The following RNF11 variants were observed in gnomAD, a reference collection of about 807,000 sequenced individuals.
RNF11 encodes the protein ring finger protein 11.
RNF11 carries 4 observed loss-of-function variants against 15.8 expected under a neutral mutation model. The observed-to-expected ratio is 0.25, with a 90% CI of 0.12 to 0.58. The LOEUF (loss-of-function observed/expected upper bound fraction) is 0.58, where lower values mean the gene tolerates loss of function less well. RNF11 is among the 20% of genes least tolerant of loss of function. The pLI is 0.91. For missense variants in RNF11, 139 were observed against 194.4 expected (o/e 0.71, Z 1.70); for synonymous variants, 68 against 72.3 (o/e 0.94, Z 0.30).
chr1:51,248,369 G>A (rs1646862170), intron 1 of RNF11, among the ~76,000 whole-genome samples: 2 of 151,908 alleles, frequency 1.3e-5, no homozygotes, highest in Non-Finnish European at 2.9e-5. Flanking sequence ...ACCATGCCTG[G>A]CTAATTTTGT....
intron 1 of RNF11, among the ~76,000 whole-genome samples, chr1:51,251,757 C>G (rs1368361691): frequency 6.6e-6 from 1 of 151,960 alleles, no homozygotes; most frequent in Non-Finnish European, 1.5e-5. Flanking sequence ...GGCAGGAGAG[C>G]AAGACCTCAT....
At chr1:51,249,523 A>T (rs776722289) in intron 1 of RNF11, among the ~76,000 whole-genome samples, 1 of 152,212 alleles carries the variant, frequency 6.6e-6, no homozygotes, top group Admixed American at 6.6e-5. Context: ...TCCAAAGGTA[A>T]CTGTTGGTCC....
At chr1:51,241,508 T>C (rs1248449642) in intron 1 of RNF11, among the ~76,000 whole-genome samples, 1 of 152,216 alleles carries the variant, frequency 6.6e-6, no homozygotes, top group Non-Finnish European at 1.5e-5. Flanking sequence ...GCAATTGGTT[T>C]ACACTAAGTG....
intron 1 of RNF11, among the ~76,000 whole-genome samples, chr1:51,265,606 T>C (rs1310523968): frequency 6.6e-6 from 1 of 152,216 alleles, no homozygotes; most frequent in African/African-American, 2.4e-5. Context: ...AATTCCATCT[T>C]GAAATTTAAA....
intron 1 of RNF11, among the ~76,000 whole-genome samples, chr1:51,252,451 T>TA (rs1051170874): frequency 2.4e-4 from 37 of 151,884 alleles, no homozygotes; most frequent in Non-Finnish European, 4.1e-4. Context: ...TCTGTTTCTA[T>TA]AAAAAATACA....
At chr1:51,259,482 G>T (rs1646920692) in intron 1 of RNF11, among the ~76,000 whole-genome samples, 2 of 152,102 alleles carry the variant, frequency 1.3e-5, no homozygotes, top group South Asian at 4.1e-4. Context: ...GAATAAATTA[G>T]GGTTTTTAAA....
At chr1:51,245,730 G>A (rs1294600873) in intron 1 of RNF11, among the ~76,000 whole-genome samples, 3 of 152,132 alleles carry the variant, frequency 2.0e-5, no homozygotes, top group South Asian at 2.1e-4. Context: ...GATTACAGGC[G>A]TGAGCTACTG....
intron 1 of RNF11, among the ~76,000 whole-genome samples, chr1:51,250,391 A>G (rs1487498059): frequency 6.6e-6 from 1 of 152,218 alleles, no homozygotes; most frequent in African/African-American, 2.4e-5. Flanking sequence ...GATCTCTGGA[A>G]TTGTAGATCT....
intron 1 of RNF11, chr1:51,251,213 C>G: frequency 7.2e-7 from 1 of 1,379,948 alleles, no homozygotes. Context: ...TCTCTGATTC[C>G]TTAATGGGCA....
intron 2 of RNF11, 76 bp from the exon 3 acceptor site, chr1:51,271,075 T>C (rs1646975800): frequency 1.2e-5 from 15 of 1,219,702 alleles, no homozygotes; most frequent in Non-Finnish European, 1.8e-5. Flanking sequence ...ACACTGTCTT[T>C]AATGGGATTT....
intron 1 of RNF11, among the ~76,000 whole-genome samples, chr1:51,256,574 T>C (rs1242628512): frequency 6.6e-6 from 1 of 152,216 alleles, no homozygotes; most frequent in Non-Finnish European, 1.5e-5. Context: ...TTTGGGTAAA[T>C]ACCAAAGGGT....
intron 1 of RNF11, among the ~76,000 whole-genome samples, chr1:51,244,427 C>G (rs1427450186): frequency 6.6e-6 from 1 of 152,126 alleles, no homozygotes; most frequent in Non-Finnish European, 1.5e-5. Flanking sequence ...CTGTGTCACC[C>G]AGGCTGGAGT....
intron 1 of RNF11, among the ~76,000 whole-genome samples, chr1:51,269,420 G>T (rs1646968838): frequency 6.6e-6 from 1 of 152,178 alleles, no homozygotes; most frequent in Admixed American, 6.5e-5. Context: ...AACAGAGGGA[G>T]ACCCTATCTC....
intron 1 of RNF11, chr1:51,251,618 G>A (rs34874270): frequency 0.067 from 34,145 of 509,732 alleles, 1,613 homozygotes; most frequent in African/African-American, 0.16. Flanking sequence ...ATTTACTACC[G>A]TAAAGCATTC....
At chr1:51,264,313 T>TACAC (rs1646945519) in intron 1 of RNF11, among the ~76,000 whole-genome samples, 1 of 101,792 alleles carries the variant, frequency 9.8e-6, no homozygotes. Context: ...TATATATATA[T>TACAC]ATATACACAC....
intron 1 of RNF11, among the ~76,000 whole-genome samples, chr1:51,257,374 A>C (rs1481187970): frequency 1.3e-5 from 2 of 152,194 alleles, no homozygotes; most frequent in Non-Finnish European, 2.9e-5. Context: ...TTTGGAGGTA[A>C]AATTCACAAA....
chr1:51,262,931 A>T (rs564219320), intron 1 of RNF11, among the ~76,000 whole-genome samples: 1 of 152,252 alleles, frequency 6.6e-6, no homozygotes, highest in East Asian at 1.9e-4. Flanking sequence ...TCACAATGAG[A>T]TATCACATCT....
intron 1 of RNF11, among the ~76,000 whole-genome samples, chr1:51,247,339 C>G (rs1204830602): frequency 6.6e-6 from 1 of 152,148 alleles, no homozygotes; most frequent in Non-Finnish European, 1.5e-5. Flanking sequence ...GTTCAGCCTC[C>G]CAAGTAGCTG....
intron 1 of RNF11, among the ~76,000 whole-genome samples, chr1:51,252,805 TTGTGTGTGTGTGTG>T (rs145075866): frequency 2.1e-5 from 3 of 143,940 alleles, no homozygotes; most frequent in Non-Finnish European, 4.6e-5. Context: ...TTTGTCCAGT[TTGTGTGTGTGTGTG>T]TGTGTGTGTG....
Sources: gnomAD v4.1 joint callset for allele counts (sites outside exome capture counted in the v4.1 genomes callset) on GRCh38, gnomAD v4.1.1 for gene constraint, MANE v1.5 for transcripts, NCBI Gene and HGNC (gene_info 2026-07-23, HGNC 2026-07-21) for gene names.